The following RIMBP2 variants were observed in gnomAD, a reference collection of about 807,000 sequenced individuals.
The protein encoded by RIMBP2 is RIMS binding protein 2.
A neutral mutation model predicts 118.6 loss-of-function variants in RIMBP2; 48 were observed. The observed-to-expected ratio is 0.40, with a 90% CI of 0.32 to 0.51. The LOEUF is 0.51. Among genes scored for constraint, RIMBP2 ranks in the 20% least tolerant of loss-of-function variants. The pLI, the probability that RIMBP2 is intolerant of heterozygous loss-of-function variation, is 0.41. For synonymous variants in RIMBP2, 762 were observed against 742.9 expected, an observed-to-expected ratio of 1.03 and a Z score of -0.42; for missense variants, 1,551 against 1,768.3, an observed-to-expected ratio of 0.88 and a Z score of 2.20.
intron 20 of RIMBP2, 110 bp downstream of exon 20, chr12:130,407,616 T>G (rs2075296684): frequency 1.2e-5 from 11 of 890,220 alleles, no homozygotes; most frequent in Non-Finnish European, 1.9e-5. Flanking sequence ...TACGGATGGT[T>G]CGGAGAGAAG....
intron 21 of RIMBP2, among the ~76,000 whole-genome samples, chr12:130,403,584 TAA>T (rs1011248643): frequency 6.6e-6 from 1 of 152,204 alleles, no homozygotes; most frequent in African/African-American, 2.4e-5. Context: ...AACTGCAGTC[TAA>T]AAAGATACTG....
At chr12:130,478,393 T>G (rs1471702708) in intron 5 of RIMBP2, among the ~76,000 whole-genome samples, 1 of 152,168 alleles carries the variant, frequency 6.6e-6, no homozygotes, top group Non-Finnish European at 1.5e-5. Flanking sequence ...CGGCGCCTGG[T>G]GTGGATGGAC....
intron 2 of RIMBP2, among the ~76,000 whole-genome samples, chr12:130,554,938 A>G: frequency 6.6e-6 from 1 of 152,210 alleles, no homozygotes; most frequent in East Asian, 1.9e-4. Context: ...AGGAAAGGCA[A>G]CGTTGAACAG....
At chr12:130,696,696 A>G (rs1335219141) in intron 1 of RIMBP2, among the ~76,000 whole-genome samples, 2 of 152,244 alleles carry the variant, frequency 1.3e-5, no homozygotes, top group East Asian at 3.9e-4. Context: ...CACCAAACTG[A>G]GACTTTCTCC....
chr12:130,672,872 G>A (rs1005410616), intron 1 of RIMBP2, among the ~76,000 whole-genome samples: 7 of 152,182 alleles, frequency 4.6e-5, no homozygotes, highest in South Asian at 2.1e-4. Flanking sequence ...AAAACACAGC[G>A]TTTACAGGCC....
chr12:130,710,666 C>A lies in RIMBP2; in HGVS notation c.-352+5556G>T, dbSNP rs141382652. On this transcript the variant is annotated intron_variant, in intron 1 of 22. Coordinates refer to ENST00000690449, the MANE Select transcript of RIMBP2 (RefSeq NM_001393629.1). The surrounding 1 kb of genome is among the most constrained non-coding windows in gnomAD (Gnocchi z 4.3). ...CACCTCCCCCGCCCCAGGCTCAGCA[C>A]CAACAGGAAGGACCTGTCCACACAG... 2.0e-5 allele frequency among the ~76,000 whole-genome samples: 3 copies of A among 152,206 alleles called. No individual in the cohort carries two copies. The highest frequency in any genetic ancestry group is 4.4e-5 in the Non-Finnish European group (3 of 68,032).
intron 2 of RIMBP2, among the ~76,000 whole-genome samples, chr12:130,596,521 C>T (rs1036352579): frequency 1.1e-4 from 16 of 152,186 alleles, no homozygotes; most frequent in African/African-American, 3.9e-4. Context: ...GTTAGTAACA[C>T]CCACTCACAA....
chr12:130,661,554 A>G (rs1031151149), intron 1 of RIMBP2, among the ~76,000 whole-genome samples: 1 of 152,172 alleles, frequency 6.6e-6, no homozygotes, highest in African/African-American at 2.4e-5. Context: ...GACCGCTGAC[A>G]ACTGTCTAGT....
chr12:130,590,040 C>T (rs546707407), intron 2 of RIMBP2, among the ~76,000 whole-genome samples: 28 of 152,300 alleles, frequency 1.8e-4, no homozygotes, highest in Admixed American at 5.2e-4. Flanking sequence ...CTTCGACTCT[C>T]AGATACAAAT....
At chr12:130,449,309 T>A (rs1392748659) in intron 9 of RIMBP2, among the ~76,000 whole-genome samples, 1 of 152,246 alleles carries the variant, frequency 6.6e-6, no homozygotes, top group Non-Finnish European at 1.5e-5. Context: ...TACGATCAGG[T>A]AGTGCAGTCC....
Position 130,467,074 on chromosome 12 carries a change from A to T in RIMBP2, c.153+3619T>A, listed in dbSNP as rs143723692. The stretch of plus-strand genomic sequence containing the variant: ...TAACTCCATCGTGCTTCTAACCTCC[A>T]AGCTGTCCTTGTTCATTCCTGGGTG... On this transcript the variant is annotated intron_variant, in intron 6 of 22. Coordinates refer to ENST00000690449, the MANE Select transcript of RIMBP2 (RefSeq NM_001393629.1). Among the ~76,000 whole-genome samples the T allele has an allele frequency of 2.4e-3, 365 of 152,302 alleles. 4 individuals carry two copies. Among genetic ancestry groups the T allele is most frequent in the African/African-American group, 8.0e-3 (333 of 41,572 alleles).
At position 130,441,991 on chromosome 12, in the gene RIMBP2, T is replaced by TA; in HGVS notation, c.1360dup (p.Tyr454LeufsTer15). The TA allele has an allele frequency of 6.2e-7, 1 of 1,614,180 alleles. No individual in the cohort carries two copies. The highest frequency in any genetic ancestry group is 1.1e-5 in the South Asian group (1 of 91,090). ...CCTGAGATTGAAGAACTGGTACTTG[T>TA]ACCTGGCGGCCTTGACGATGTCGAA... On this transcript the variant is annotated frameshift_variant, in exon 11 of 23. Coordinates refer to ENST00000690449, the MANE Select transcript of RIMBP2 (RefSeq NM_001393629.1). LOFTEE classifies it high-confidence loss of function.
chr12:130,518,226 G>C (rs2051685400), intron 2 of RIMBP2, among the ~76,000 whole-genome samples: 1 of 152,166 alleles, frequency 6.6e-6, no homozygotes, highest in South Asian at 2.1e-4. Flanking sequence ...TTGTTAATAA[G>C]CTTTGACCCA....
chr12:130,622,452 T>C lies in RIMBP2; in HGVS notation c.-217+5870A>G, dbSNP rs539897007. Among the ~76,000 whole-genome samples the C allele has an allele frequency of 2.6e-5, 4 of 152,120 alleles. No individual in the cohort carries two copies. Among genetic ancestry groups the C allele is most frequent in the Admixed American group, 2.6e-4 (4 of 15,266 alleles). The stretch of plus-strand genomic sequence containing the variant: ...TGTACATAAATTCACTATTCACTAA[T>C]TGTACGTATAATTCTCTACTATTTT... On this transcript the variant is annotated intron_variant, in intron 2 of 22. Coordinates refer to ENST00000690449, the MANE Select transcript of RIMBP2 (RefSeq NM_001393629.1). The surrounding 1 kb of genome is among the most constrained non-coding windows in gnomAD (Gnocchi z 8.5).
intron 3 of RIMBP2, among the ~76,000 whole-genome samples, 193 bp downstream of exon 3, chr12:130,517,635 T>C (rs11060966): frequency 0.62 from 94,409 of 151,802 alleles, 30,484 homozygotes; most frequent in African/African-American, 0.79. Context: ...AACCAGCAGA[T>C]AGTGGATGAG....
At chr12:130,474,452 C>T (rs942049204) in intron 5 of RIMBP2, among the ~76,000 whole-genome samples, 12 of 152,172 alleles carry the variant, frequency 7.9e-5, no homozygotes, top group Non-Finnish European at 1.8e-4. Context: ...AGGTGTCAGG[C>T]GATGTCCTAC....
intron 21 of RIMBP2, among the ~76,000 whole-genome samples, chr12:130,401,194 C>T (rs563390150): frequency 1.3e-5 from 2 of 152,172 alleles, no homozygotes; most frequent in East Asian, 3.9e-4. Context: ...CGGCTCACTG[C>T]CACCTCCACC....
At chr12:130,579,528 T>C (rs1294409109) in intron 2 of RIMBP2, among the ~76,000 whole-genome samples, 5 of 152,116 alleles carry the variant, frequency 3.3e-5, no homozygotes, top group Non-Finnish European at 7.4e-5. Flanking sequence ...CCTTTGCTGG[T>C]TTTGCTGGTT....
rs66952529 is a variant in RIMBP2 at position 130,713,211 on chromosome 12, T to TAGGA, written c.-352+3007_-352+3010dup. Among the ~76,000 whole-genome samples, 280 of 98,154 alleles carry TAGGA rather than the reference T, an allele frequency of 2.9e-3. 1 individual carries two copies. Among genetic ancestry groups the TAGGA allele is most frequent in the East Asian group, 0.01 (32 of 3,064 alleles). The allele number at this position is 98,154 out of a possible 152,430, so 64.4% of individuals were successfully genotyped here. A position where few individuals can be genotyped will look rare whatever the true frequency, so the allele number is the denominator to read the frequency against. ...GAAAGAAGGAAGGAAGGAAGGAAGA[T>TAGGA]AGGAAGGAAGGAAGGAAGGAAGGAA... On this transcript the variant is annotated intron_variant, in intron 1 of 22. Coordinates refer to ENST00000690449, the MANE Select transcript of RIMBP2 (RefSeq NM_001393629.1).
Sources: allele counts gnomAD v4.1 joint callset (sites outside exome capture counted in the v4.1 genomes callset), GRCh38; gene constraint gnomAD v4.1.1; non-coding constraint Gnocchi (gnomAD v3.1); transcripts MANE v1.5; gene names NCBI Gene and HGNC (gene_info 2026-07-23, HGNC 2026-07-21).